Variants in ROR2 observed in about 807,000 individuals in gnomAD.
ROR2 encodes the protein ROR family WNT receptor 2.
Under a neutral mutation model 74.9 loss-of-function variants are expected in ROR2, and 33 were observed. The ratio of observed to expected loss-of-function variants is 0.44; its 90% CI spans 0.33 to 0.59. The LOEUF (loss-of-function observed/expected upper bound fraction) is 0.59, where lower values mean the gene tolerates loss of function less well. Ranked by LOEUF, ROR2 falls within the 20% of genes least tolerant of loss-of-function variation. ROR2 has a pLI of 0.02. For missense variants in ROR2, 1,216 were observed against 1,313.8 expected, an observed-to-expected ratio of 0.93 and a Z score of 1.15; for synonymous variants, 586 against 558.7, an observed-to-expected ratio of 1.05 and a Z score of -0.69.
chr9:91,733,419 C>G lies in ROR2; in HGVS notation c.640G>C (p.Gly214Arg). The G allele has an allele frequency of 1.2e-6, 2 of 1,611,206 alleles. No individual in the cohort carries two copies. The highest frequency in any genetic ancestry group is 1.7e-6 in the Non-Finnish European group (2 of 1,179,672). The change falls in exon 6 of 9, where the codon GGC (glycine) becomes CGC (arginine). Residue 214 changes from glycine (G) to arginine (R), a missense_variant. By Grantham distance (125) the Gly-to-Arg change is moderately radical (BLOSUM62 -2). Coordinates refer to ENST00000375708, the MANE Select transcript of ROR2 (RefSeq NM_004560.4). This position sits in a 1 kb window ranked among gnomAD's most constrained non-coding sequence, Gnocchi z 5.7. ...TGGTCCGACAGGTGCGTAGACGTGC[C>G]GATCATGGTGAAGGCCGCTGCAGAG... ...NRITAAFTMI[G>R]TSTHLSDQCS...
intron 1 of ROR2, among the ~76,000 whole-genome samples, chr9:91,808,050 T>C (rs1004111865): frequency 6.6e-6 from 1 of 152,090 alleles, no homozygotes; most frequent in African/African-American, 2.4e-5. Context: ...AAATGTGACG[T>C]CACCTGACAG....
chr9:91,813,472 A>G (rs1048151566), intron 1 of ROR2, among the ~76,000 whole-genome samples: 7 of 152,158 alleles, frequency 4.6e-5, no homozygotes, highest in African/African-American at 1.7e-4. Context: ...GTGGAACAGC[A>G]CTCAGGGCCC....
intron 1 of ROR2, among the ~76,000 whole-genome samples, chr9:91,912,331 A>G (rs1831015006): frequency 6.6e-6 from 1 of 152,228 alleles, no homozygotes; most frequent in African/African-American, 2.4e-5. Context: ...TTATTAGTAC[A>G]GTAGCAAAAT....
chr9:91,930,625 GA>G (rs1369076905), intron 1 of ROR2, among the ~76,000 whole-genome samples: 1 of 152,182 alleles, frequency 6.6e-6, no homozygotes, highest in Non-Finnish European at 1.5e-5. Flanking sequence ...CACACCAGAG[GA>G]ATGTAAAGCT....
chr9:91,785,611 C>T (rs965618655), intron 1 of ROR2, among the ~76,000 whole-genome samples: 8 of 152,206 alleles, frequency 5.3e-5, no homozygotes, highest in African/African-American at 1.9e-4. Context: ...TGAGTTTTGG[C>T]TCACTGTCTG....
At chr9:91,917,759 C>T (rs1314295081) in intron 1 of ROR2, among the ~76,000 whole-genome samples, 1 of 152,170 alleles carries the variant, frequency 6.6e-6, no homozygotes. Context: ...AGCATCTGGA[C>T]AAGTGAGCAA....
chr9:91,925,461 CCTGT>C (rs994906401), intron 1 of ROR2, among the ~76,000 whole-genome samples: 5 of 128,512 alleles, frequency 3.9e-5, no homozygotes, highest in Non-Finnish European at 7.9e-5. Flanking sequence ...CTGTCAGCTG[CCTGT>C]ATGTGTGTGT....
chr9:91,902,379 G>T (rs1254235445), intron 1 of ROR2, among the ~76,000 whole-genome samples: 1 of 151,908 alleles, frequency 6.6e-6, no homozygotes, highest in Non-Finnish European at 1.5e-5. Flanking sequence ...CCAAATCCCA[G>T]GCCCTCCATC....
At chr9:91,821,972 G>A (rs1828152903) in intron 1 of ROR2, among the ~76,000 whole-genome samples, 2 of 147,452 alleles carry the variant, frequency 1.4e-5, no homozygotes, top group Admixed American at 1.4e-4. Context: ...AAAGATGGAA[G>A]GAAGACAGCT....
intron 2 of ROR2, 36 bp from the exon 3 acceptor site, chr9:91,757,595 A>C: frequency 6.2e-7 from 1 of 1,604,358 alleles, no homozygotes. Context: ...AGCAAGCGTC[A>C]GTGAGGGCTG....
At chr9:91,762,170 C>T (rs1825932832) in intron 2 of ROR2, among the ~76,000 whole-genome samples, 2 of 152,330 alleles carry the variant, frequency 1.3e-5, no homozygotes, top group East Asian at 3.9e-4. Context: ...GTCACATCTA[C>T]TGCTGAATCC....
intron 1 of ROR2, among the ~76,000 whole-genome samples, chr9:91,901,951 A>G (rs1338068845): frequency 5.9e-5 from 9 of 152,196 alleles, no homozygotes; most frequent in Non-Finnish European, 7.3e-5. Flanking sequence ...CTGGAGCAGC[A>G]GGCCAACAGA....
intron 1 of ROR2, among the ~76,000 whole-genome samples, chr9:91,913,842 G>C (rs1483662067): frequency 5.3e-5 from 8 of 152,120 alleles, no homozygotes; most frequent in Admixed American, 5.2e-4. Flanking sequence ...TGTTTAATGG[G>C]GACAGAGTCT....
intron 1 of ROR2, among the ~76,000 whole-genome samples, chr9:91,895,184 A>C (rs887072870): frequency 6.6e-6 from 1 of 152,256 alleles, no homozygotes; most frequent in African/African-American, 2.4e-5. Flanking sequence ...TACATACTAT[A>C]TGATTCCAAC....
intron 1 of ROR2, among the ~76,000 whole-genome samples, chr9:91,777,389 CCA>C (rs112876626): frequency 2.0e-5 from 3 of 149,858 alleles, no homozygotes; most frequent in South Asian, 2.1e-4. Flanking sequence ...AACAAAACTG[CCA>C]CACACACACA....
At chr9:91,725,948 A>C (rs910926831) in intron 8 of ROR2, among the ~76,000 whole-genome samples, 1 of 152,244 alleles carries the variant, frequency 6.6e-6, no homozygotes, top group African/African-American at 2.4e-5. Context: ...AAGCTGGCTG[A>C]GAATGATGTT....
chr9:91,784,983 G>A (rs1388179921), intron 1 of ROR2, among the ~76,000 whole-genome samples: 4 of 152,176 alleles, frequency 2.6e-5, no homozygotes, highest in Admixed American at 6.5e-5. Context: ...ATGAATGAAT[G>A]AATGAATGAA....
intron 1 of ROR2, among the ~76,000 whole-genome samples, chr9:91,783,176 A>G (rs1475110197): frequency 1.3e-5 from 2 of 152,120 alleles, no homozygotes; most frequent in Non-Finnish European, 2.9e-5. Context: ...ATAGGATGAG[A>G]GCCCTGATGA....
At chr9:91,846,875 T>A (rs887669567) in intron 1 of ROR2, among the ~76,000 whole-genome samples, 1 of 152,114 alleles carries the variant, frequency 6.6e-6, no homozygotes, top group Non-Finnish European at 1.5e-5. Flanking sequence ...CAAATATCAA[T>A]GACTTCAGGA....
Sources: gnomAD v4.1 joint callset for allele counts (sites outside exome capture counted in the v4.1 genomes callset) on GRCh38, gnomAD v4.1.1 for gene constraint, Gnocchi (gnomAD v3.1) non-coding constraint, MANE v1.5 for transcripts, NCBI Gene and HGNC (gene_info 2026-07-23, HGNC 2026-07-21) for gene names.